LINGO2: variants seen among roughly 807,000 people sequenced by gnomAD.
LINGO2 encodes the protein leucine rich repeat and Ig domain containing 2, also known as leucine-rich repeat and immunoglobulin-like domain-containing nogo receptor-interacting protein 2.
LINGO2 carries 14 observed loss-of-function variants against 30.6 expected under a neutral mutation model. That is an observed-to-expected ratio of 0.46 (90% confidence interval 0.30 to 0.72). The LOEUF (loss-of-function observed/expected upper bound fraction) is 0.72. Among genes scored for constraint, LINGO2 ranks in the 30% least tolerant of loss-of-function variants. The pLI is 0.07. For missense variants in LINGO2, 729 were observed against 751.7 expected, an observed-to-expected ratio of 0.97 and a Z score of 0.35; for synonymous variants, 317 against 288.5, an observed-to-expected ratio of 1.10 and a Z score of -1.00.
At chr9:28,183,478 T>C (rs1819431718) in intron 4 of LINGO2, among the ~76,000 whole-genome samples, 1 of 152,168 alleles carries the variant, frequency 6.6e-6, no homozygotes. Flanking sequence ...AACTATCATG[T>C]GTGAATGAGA....
the LINGO2 span, among the ~76,000 whole-genome samples, chr9:28,976,246 G>T: frequency 6.6e-6 from 1 of 152,046 alleles, no homozygotes; most frequent in Non-Finnish European, 1.5e-5. Flanking sequence ...AAGCATACCT[G>T]AGCTATTTTT....
At chr9:29,038,146 A>G in the LINGO2 span, among the ~76,000 whole-genome samples, 3 of 152,026 alleles carry the variant, frequency 2.0e-5, no homozygotes, top group East Asian at 5.8e-4. Flanking sequence ...CTAAGGCAGA[A>G]TTGCTAGGTT....
At chr9:28,637,623 A>G (rs576413260) in intron 1 of LINGO2, among the ~76,000 whole-genome samples, 3 of 152,046 alleles carry the variant, frequency 2.0e-5, no homozygotes, top group South Asian at 2.1e-4. Context: ...TTCTCTGTTT[A>G]TCTGTTATTG....
At chr9:29,123,302 C>T in the LINGO2 span, among the ~76,000 whole-genome samples, 37 of 152,038 alleles carry the variant, frequency 2.4e-4, no homozygotes, top group Non-Finnish European at 4.4e-4. Context: ...TCTTGCTATA[C>T]ACTTAAACAC....
chr9:28,494,552 CT>C (rs10709757), intron 1 of LINGO2, among the ~76,000 whole-genome samples: 3,279 of 152,108 alleles, frequency 0.022, 104 homozygotes, highest in East Asian at 0.099. Flanking sequence ...TGAACTCATC[CT>C]TTTTTATGGC....
chr9:29,149,878 C>G, the LINGO2 span, among the ~76,000 whole-genome samples: 4 of 152,194 alleles, frequency 2.6e-5, no homozygotes, highest in Non-Finnish European at 5.9e-5. Flanking sequence ...GGTAGACTTT[C>G]GTGCAGGACT....
intron 4 of LINGO2, among the ~76,000 whole-genome samples, chr9:28,265,022 T>A (rs1200281027): frequency 6.6e-6 from 1 of 151,872 alleles, no homozygotes; most frequent in East Asian, 1.9e-4. Flanking sequence ...GACCTACAGA[T>A]TTAAAACTCA....
At chr9:28,008,195 A>G (rs1373421940) in intron 5 of LINGO2, among the ~76,000 whole-genome samples, 1 of 152,162 alleles carries the variant, frequency 6.6e-6, no homozygotes, top group African/African-American at 2.4e-5. Context: ...TATGTTGCTG[A>G]GTTGCAAACT....
the LINGO2 span, among the ~76,000 whole-genome samples, chr9:28,791,124 TCAC>T: frequency 1.2e-3 from 185 of 152,248 alleles, no homozygotes; most frequent in Non-Finnish European, 2.2e-3. Flanking sequence ...CCTTCCTTTC[TCAC>T]CACCAATATA....
intron 5 of LINGO2, among the ~76,000 whole-genome samples, chr9:27,959,183 A>C (rs1819718727): frequency 6.6e-6 from 1 of 152,064 alleles, no homozygotes; most frequent in African/African-American, 2.4e-5. Context: ...AGAAATCTAG[A>C]ATTTTTTCAG....
intron 5 of LINGO2, among the ~76,000 whole-genome samples, chr9:27,970,209 G>A (rs1184296225): frequency 2.6e-5 from 4 of 151,998 alleles, no homozygotes; most frequent in Non-Finnish European, 5.9e-5. Context: ...GCTGGGCAGC[G>A]GTGAAAAACA....
the LINGO2 span, among the ~76,000 whole-genome samples, chr9:29,148,941 G>GA: frequency 6.6e-6 from 1 of 152,048 alleles, no homozygotes; most frequent in African/African-American, 2.4e-5. Flanking sequence ...ACCTGAATAG[G>GA]AAAAAGTGTT....
intron 1 of LINGO2, among the ~76,000 whole-genome samples, chr9:28,614,949 C>A (rs1826075150): frequency 6.6e-6 from 1 of 152,076 alleles, no homozygotes; most frequent in Admixed American, 6.6e-5. Context: ...TAGCCTCCAA[C>A]CTTACAGGCT....
the LINGO2 span, among the ~76,000 whole-genome samples, chr9:28,679,313 C>A: frequency 6.6e-6 from 1 of 152,106 alleles, no homozygotes; most frequent in African/African-American, 2.4e-5. Flanking sequence ...AAGAAAATCT[C>A]AAAACTCAGC....
chr9:28,834,601 G>A, the LINGO2 span, among the ~76,000 whole-genome samples: 2 of 152,092 alleles, frequency 1.3e-5, no homozygotes, highest in Non-Finnish European at 2.9e-5. Context: ...TACTTAGTCT[G>A]AGCAGACAAA....
chr9:28,128,611 C>A (rs1827302000), intron 4 of LINGO2, among the ~76,000 whole-genome samples: 1 of 152,102 alleles, frequency 6.6e-6, no homozygotes, highest in South Asian at 2.1e-4. Context: ...AACTGCAGTT[C>A]ATTCTCCCTC....
At chr9:28,730,573 T>C in the LINGO2 span, among the ~76,000 whole-genome samples, 1 of 152,188 alleles carries the variant, frequency 6.6e-6, no homozygotes, top group Non-Finnish European at 1.5e-5. Flanking sequence ...GACTAGTTTT[T>C]AGAATAGCTA....
intron 4 of LINGO2, among the ~76,000 whole-genome samples, chr9:28,180,068 C>T (rs1242539714): frequency 6.6e-6 from 1 of 152,090 alleles, no homozygotes; most frequent in Admixed American, 6.6e-5. Flanking sequence ...CATTAATCTG[C>T]CACTCAATAT....
At position 28,458,320 on chromosome 9, in the gene LINGO2, G is replaced by A. The variant is rs141854471; in HGVS notation, c.-279+17620C>T. Among the ~76,000 whole-genome samples the A allele has an allele frequency of 1.8e-3, 276 of 152,138 alleles. 3 individuals are homozygous for A. The highest frequency in any genetic ancestry group is 0.014 in the Admixed American group (211 of 15,270). On this transcript the variant is annotated intron_variant, in intron 2 of 5. Transcript: ENST00000379992. The stretch of plus-strand genomic sequence containing the variant: ...GGCACAAGCTCCTATATTTTTATAC[G>A]TCCCAGGACTAACATAGTGACACTT...
Sources: allele counts gnomAD v4.1 joint callset (sites outside exome capture counted in the v4.1 genomes callset), GRCh38; gene constraint gnomAD v4.1.1; transcripts MANE v1.5; gene names NCBI Gene and HGNC (gene_info 2026-07-23, HGNC 2026-07-21).